The following PCDH11X variants were observed in gnomAD, a reference collection of about 807,000 sequenced individuals.
The protein encoded by PCDH11X is protocadherin 11 X-linked.
In PCDH11X, 18 loss-of-function variants were observed where a neutral mutation model predicts 53.3. The observed-to-expected ratio is 0.34, with a 90% CI of 0.23 to 0.50. The LOEUF is 0.50. Ranked by LOEUF, PCDH11X falls within the 20% of genes least tolerant of loss-of-function variation. The probability of loss-of-function intolerance (pLI) is 0.98; values close to 1 mark genes in which losing one functional copy is unlikely to be tolerated. For missense variants in PCDH11X, 570 were observed against 1,032.4 expected, an observed-to-expected ratio of 0.55 and a Z score of 6.14; for synonymous variants, 279 against 393.3, an observed-to-expected ratio of 0.71 and a Z score of 3.44.
chrX:92,298,613 G>A (rs1387996812), intron 8 of PCDH11X, among the ~76,000 whole-genome samples: 2 of 110,855 alleles, frequency 1.8e-5, no homozygotes, highest in Non-Finnish European at 3.8e-5. Flanking sequence ...TTCTTTTTTT[G>A]TTGTGTCTCT....
chrX:92,326,610 A>G (rs2069335004), intron 8 of PCDH11X, among the ~76,000 whole-genome samples: 1 of 50,524 alleles, frequency 2.0e-5, no homozygotes, highest in Non-Finnish European at 3.1e-5. Context: ...ATTTTCAATT[A>G]TTTTTAATAA....
At chrX:91,884,748 G>A (rs781040569) in intron 6 of PCDH11X, among the ~76,000 whole-genome samples, 49 of 110,692 alleles carry the variant, frequency 4.4e-4, no homozygotes, top group African/African-American at 1.5e-3. Flanking sequence ...ATGTTTATTG[G>A]GATAAAAAGG....
rs200350271 is a variant in PCDH11X at position 92,304,970 on chromosome X, AT to A, written c.3144+41837del. ...TTGCAATGAATATAATCTTGCAGCC[AT>A]TTTTTTTTTGCTGTATCCCAAGAGA... is the stretch of plus-strand genomic sequence containing the variant. On this transcript the variant is annotated intron_variant, in intron 8 of 10. Coordinates refer to ENST00000682573, the MANE Select transcript of PCDH11X (RefSeq NM_032968.5). 5.4e-3 allele frequency among the ~76,000 whole-genome samples: 568 copies of A among 105,721 alleles called. 2 individuals are homozygous for A. The highest frequency in any genetic ancestry group is 0.018 in the African/African-American group (513 of 29,210). 91.8% of individuals were successfully genotyped at this position (105,721 alleles called of 115,157 possible). A position where few individuals can be genotyped will look rare whatever the true frequency, so the allele number is the denominator to read the frequency against.
chrX:92,350,127 G>A (rs1264123390), intron 8 of PCDH11X, among the ~76,000 whole-genome samples: 1 of 109,603 alleles, frequency 9.1e-6, no homozygotes, highest in Non-Finnish European at 1.9e-5. Context: ...TTTCTCCCCT[G>A]GTATCTTGTT....
chrX:92,019,727 T>C (rs1373168481), intron 6 of PCDH11X, among the ~76,000 whole-genome samples: 1 of 112,124 alleles, frequency 8.9e-6, no homozygotes, highest in African/African-American at 3.2e-5. Flanking sequence ...GGGAAACTTA[T>C]AGCACTAAAC....
At chrX:92,201,862 G>A (rs1016199676) in intron 7 of PCDH11X, among the ~76,000 whole-genome samples, 1 of 111,723 alleles carries the variant, frequency 9.0e-6, no homozygotes, top group African/African-American at 3.2e-5. Context: ...AAACTTCACT[G>A]AAACAAATCT....
At chrX:92,103,229 T>A (rs1468057923) in intron 6 of PCDH11X, among the ~76,000 whole-genome samples, 1 of 110,569 alleles carries the variant, frequency 9.0e-6, no homozygotes, top group Non-Finnish European at 1.9e-5. Flanking sequence ...ATAAGGGAAC[T>A]GGGCAGGTGG....
Position 92,142,830 on chromosome X carries a change from T to G in PCDH11X, c.3034-58545T>G, listed in dbSNP as rs556091192. ...GATGGTTCTAATCTTTATTGAAAAT[T>G]TTTATCCCTAAATTGTGTGTATATA... On this transcript the variant is annotated intron_variant, in intron 6 of 10. Coordinates refer to ENST00000682573, the MANE Select transcript of PCDH11X (RefSeq NM_032968.5). 6.0e-4 allele frequency among the ~76,000 whole-genome samples: 65 copies of G among 108,601 alleles called. 1 individual carries two copies. In the South Asian group the frequency reaches 0.025, roughly 43 times the overall value. The allele number at this position is 108,601 out of a possible 115,157, so 94.3% of individuals were successfully genotyped here. A position where few individuals can be genotyped will look rare whatever the true frequency, so the allele number is the denominator to read the frequency against.
chrX:92,501,699 T>C (rs1372218988), intron 10 of PCDH11X, among the ~76,000 whole-genome samples: 1 of 111,235 alleles, frequency 9.0e-6, no homozygotes, highest in Non-Finnish European at 1.9e-5. Context: ...CTAAATACAC[T>C]AGGAATTGAA....
chrX:92,468,182 A>G lies in PCDH11X; in HGVS notation c.3344-117A>G, dbSNP rs1166713784. On this transcript the variant is annotated intron_variant, in intron 9 of 10. Coordinates refer to ENST00000682573, the MANE Select transcript of PCDH11X (RefSeq NM_032968.5). ...AATTATCACATTCTTTGTAAAGTGA[A>G]GTAGAAAATATATTGCAATACCTTA... The G allele has an allele frequency of 1.0e-5, 9 of 902,405 alleles. No individual in the cohort carries two copies. The African/African-American group carries it at 1.4e-4, about 14-fold the overall frequency. The allele number at this position is 902,405 out of a possible 1,213,427, so 74.4% of individuals were successfully genotyped here.
chrX:91,815,202 A>AT (rs1020520420), intron 4 of PCDH11X, among the ~76,000 whole-genome samples: 4 of 111,933 alleles, frequency 3.6e-5, no homozygotes, highest in African/African-American at 1.3e-4. Context: ...AAAAATTTAA[A>AT]TTTTTTAATG....
At chrX:92,030,349 TA>T (rs1297690039) in intron 6 of PCDH11X, among the ~76,000 whole-genome samples, 6 of 110,244 alleles carry the variant, frequency 5.4e-5, no homozygotes, top group Non-Finnish European at 1.1e-4. Context: ...AGTTTTTTTT[TA>T]ATTTTTAATT....
intron 10 of PCDH11X, among the ~76,000 whole-genome samples, chrX:92,553,510 C>G (rs1362022877): frequency 1.8e-5 from 2 of 109,119 alleles, no homozygotes; most frequent in East Asian, 2.9e-4. Flanking sequence ...ATTTGTTTAA[C>G]TTTCCCAAAA....
At chrX:92,025,076 A>G (rs2062948798) in intron 6 of PCDH11X, among the ~76,000 whole-genome samples, 1 of 111,972 alleles carries the variant, frequency 8.9e-6, no homozygotes, top group South Asian at 3.7e-4. Flanking sequence ...CAAGGACTTC[A>G]TGATGAAAAC....
chrX:92,207,746 G>T (rs1430596724), intron 7 of PCDH11X, among the ~76,000 whole-genome samples: 1 of 111,356 alleles, frequency 9.0e-6, no homozygotes, highest in Non-Finnish European at 1.9e-5. Flanking sequence ...AAATATCAAT[G>T]GTCACAGCTT....
intron 5 of PCDH11X, among the ~76,000 whole-genome samples, chrX:91,843,122 A>G (rs867744481): frequency 1.9e-5 from 2 of 105,741 alleles, no homozygotes; most frequent in East Asian, 6.0e-4. Flanking sequence ...TCAATGTACA[A>G]AGTCTTGAGG....
At chrX:91,989,017 C>T (rs1206452273) in intron 6 of PCDH11X, among the ~76,000 whole-genome samples, 42 of 110,958 alleles carry the variant, frequency 3.8e-4, no homozygotes, top group African/African-American at 1.1e-3. Context: ...CTCTCCATCA[C>T]CTTCACTATC....
At chrX:92,009,700 C>CTTTTTTTTTTTTTTTTTTTT (rs68159170) in intron 6 of PCDH11X, among the ~76,000 whole-genome samples, 1 of 66,642 alleles carries the variant, frequency 1.5e-5, no homozygotes, top group African/African-American at 5.6e-5. Context: ...TGACTGTTGC[C>CTTTTTTTTTTTTTTTTTTTT]TTTTTTTTTT....
chrX:92,313,928 G>A (rs1443960693), intron 8 of PCDH11X, among the ~76,000 whole-genome samples: 1 of 111,461 alleles, frequency 9.0e-6, no homozygotes, highest in Non-Finnish European at 1.9e-5. Context: ...TGCTCTGGGT[G>A]AGTGAGTGAT....
Sources: allele counts gnomAD v4.1 joint callset (sites outside exome capture counted in the v4.1 genomes callset), GRCh38; gene constraint gnomAD v4.1.1; transcripts MANE v1.5; gene names NCBI Gene and HGNC (gene_info 2026-07-23, HGNC 2026-07-21).